ATG7: variants seen among roughly 807,000 people sequenced by gnomAD.
ATG7 encodes ubiquitin-like modifier-activating enzyme ATG7.
ATG7 carries 70 observed loss-of-function variants against 82.4 expected under a neutral mutation model. That is an observed-to-expected ratio of 0.85 (90% CI 0.70 to 1.04). The LOEUF (loss-of-function observed/expected upper bound fraction) is 1.04. Ranked by LOEUF, ATG7 falls within the 50% of genes least tolerant of loss-of-function variation. The pLI, the probability that ATG7 is intolerant of heterozygous loss-of-function variation, is 0.00. For missense variants in ATG7, 792 were observed against 864.3 expected (o/e 0.92, Z 1.05); for synonymous variants, 287 against 313.0 (o/e 0.92, Z 0.88).
At chr3:11,515,439 G>A (rs952829975) in intron 20 of ATG7, among the ~76,000 whole-genome samples, 1 of 152,212 alleles carries the variant, frequency 6.6e-6, no homozygotes, top group Non-Finnish European at 1.5e-5. Flanking sequence ...GAGTAGCTGG[G>A]ATTACAGGCC....
Position 11,358,526 on chromosome 3 carries a change from A to G in ATG7, c.1393A>G (p.Ile465Val). The change falls in exon 15 of 21, where the codon ATC (isoleucine) becomes GTC (valine). Residue 465 changes from isoleucine (I) to valine (V), a missense_variant. Ile to Val is a conservative substitution (Grantham distance 29). Transcript: ENST00000693202. ...RRDVEQLEQL[I>V]ESHDVVFLLM... ...AGATGTGGAGCAACTGGAGCAGCTC[A>G]TCGAAAGCCATGATGTCGTCTTCCT... is the stretch of plus-strand genomic sequence containing the variant. The G allele has an allele frequency of 2.5e-6, 4 of 1,614,116 alleles. No individual in the cohort carries two copies. The highest frequency in any genetic ancestry group is 3.4e-6 in the Non-Finnish European group (4 of 1,179,976).
At chr3:11,387,773 A>G (rs1299951956) in intron 19 of ATG7, among the ~76,000 whole-genome samples, 1 of 151,998 alleles carries the variant, frequency 6.6e-6, no homozygotes, top group Non-Finnish European at 1.5e-5. Flanking sequence ...GATTGAGACC[A>G]TCCTGGCTAA....
intron 20 of ATG7, among the ~76,000 whole-genome samples, chr3:11,500,929 A>C (rs2091273545): frequency 6.6e-6 from 1 of 152,124 alleles, no homozygotes; most frequent in Non-Finnish European, 1.5e-5. Context: ...GCACCGCCCA[A>C]CCTAAGTTTT....
intron 14 of ATG7, 44 bp downstream of exon 14, chr3:11,348,079 T>C: frequency 6.4e-7 from 1 of 1,564,940 alleles, no homozygotes; most frequent in Middle Eastern, 1.7e-4. Flanking sequence ...TATGTATAAA[T>C]GTTTAAGTCT....
Position 11,326,051 on chromosome 3 carries a change from TC to T in ATG7, c.679-5287del, listed in dbSNP as rs535602919. Among the ~76,000 whole-genome samples the T allele has an allele frequency of 6.1e-3, 924 of 152,296 alleles. 8 individuals carry two copies. The highest frequency in any genetic ancestry group is 8.7e-3 in the Non-Finnish European group (593 of 68,016). On this transcript the variant is annotated intron_variant, in intron 9 of 20. Coordinates refer to ENST00000693202, the MANE Select transcript of ATG7 (RefSeq NM_001349232.2). The stretch of plus-strand genomic sequence containing the variant: ...TCTATGATTCTGGAGCCTGAAGAAA[TC>T]CTTTGAGATGAAAGGTTCAACCCCT...
intron 9 of ATG7, among the ~76,000 whole-genome samples, chr3:11,317,679 G>A (rs1575410720): frequency 2.1e-5 from 3 of 141,864 alleles, no homozygotes; most frequent in Admixed American, 1.5e-4. Context: ...TGCAACCTCC[G>A]CCTCCTGGCT....
chr3:11,454,912 A>G, intron 20 of ATG7, among the ~76,000 whole-genome samples: 1 of 152,332 alleles, frequency 6.6e-6, no homozygotes, highest in East Asian at 1.9e-4. Flanking sequence ...AGAGAGGACA[A>G]ACTCAAACCC....
chr3:11,376,020 G>A (rs2077390938), intron 18 of ATG7, among the ~76,000 whole-genome samples: 1 of 152,188 alleles, frequency 6.6e-6, no homozygotes, highest in East Asian at 1.9e-4. Context: ...CAACACAATT[G>A]AATATTATTT....
chr3:11,313,522 CGTG>C (rs1948977042), intron 8 of ATG7, 102 bp downstream of exon 8: 2 of 762,128 alleles, frequency 2.6e-6, no homozygotes, highest in South Asian at 4.3e-5. Context: ...TGGATGAAGA[CGTG>C]GTAACTGAAA....
intron 11 of ATG7, among the ~76,000 whole-genome samples, chr3:11,336,962 C>T (rs907649673): frequency 6.6e-6 from 1 of 152,140 alleles, no homozygotes; most frequent in South Asian, 2.1e-4. Flanking sequence ...TGTGAGCTAC[C>T]TTGCGCAGTC....
At chr3:11,548,711 T>C (rs2071506450) in intron 20 of ATG7, among the ~76,000 whole-genome samples, 1 of 152,252 alleles carries the variant, frequency 6.6e-6, no homozygotes, top group South Asian at 2.1e-4. Context: ...GAACTCACTG[T>C]GTTTCAGGGC....
chr3:11,380,077 C>T, intron 19 of ATG7, 25 bp downstream of exon 19: 2 of 1,608,210 alleles, frequency 1.2e-6, no homozygotes, highest in South Asian at 1.1e-5. Context: ...ATTGGAGGGA[C>T]TTGTTTTTAA....
Position 11,378,870 on chromosome 3 carries a change from TG to T in ATG7, c.1876-1097del, listed in dbSNP as rs1490087494. Among the ~76,000 whole-genome samples, 21 of 149,244 alleles carry T rather than the reference TG, an allele frequency of 1.4e-4. No homozygotes were observed. In the East Asian group the frequency reaches 2.2e-3, roughly 16 times the overall value. On this transcript the variant is annotated intron_variant, in intron 18 of 20. Transcript: ENST00000693202. ...GTCAAATTGTTTGTTTTTCGGGGGG[TG>T]GGGGATTTGAGGGAGAGGGCATGGT...
At chr3:11,439,439 T>C (rs781351636) in intron 20 of ATG7, among the ~76,000 whole-genome samples, 34 of 152,178 alleles carry the variant, frequency 2.2e-4, no homozygotes, top group Non-Finnish European at 3.2e-4. Context: ...ATGTGAAATA[T>C]CCTAAGGTGT....
At chr3:11,440,267 C>G (rs547417128) in intron 20 of ATG7, among the ~76,000 whole-genome samples, 1 of 151,304 alleles carries the variant, frequency 6.6e-6, no homozygotes, top group East Asian at 2.0e-4. Context: ...CCAATCCCAA[C>G]TTACCATTGG....
intron 14 of ATG7, among the ~76,000 whole-genome samples, chr3:11,353,440 C>G (rs960599400): frequency 8.6e-5 from 13 of 151,838 alleles, no homozygotes; most frequent in African/African-American, 3.1e-4. Context: ...GAGACTCTGT[C>G]TCAAAAAAGA....
At chr3:11,318,486 G>C (rs1299005552) in intron 9 of ATG7, among the ~76,000 whole-genome samples, 1 of 152,170 alleles carries the variant, frequency 6.6e-6, no homozygotes, top group East Asian at 1.9e-4. Flanking sequence ...GAGCATGATG[G>C]CCTCATAGGA....
At chr3:11,445,344 CAT>C (rs1253484929) in intron 20 of ATG7, among the ~76,000 whole-genome samples, 1 of 152,188 alleles carries the variant, frequency 6.6e-6, no homozygotes, top group Non-Finnish European at 1.5e-5. Context: ...AAATGTAGTA[CAT>C]ATACACCATG....
At chr3:11,557,942 A>G (rs2125092066), downstream of ATG7, 1 of 153,460 alleles carries the variant, frequency 6.5e-6, no homozygotes, top group South Asian at 2.1e-4. Context: ...AAAAAAACAA[A>G]AACAGTAACA....
Sources: gnomAD v4.1 joint callset for allele counts (sites outside exome capture counted in the v4.1 genomes callset) on GRCh38, gnomAD v4.1.1 for gene constraint, MANE v1.5 for transcripts, NCBI Gene and HGNC (gene_info 2026-07-23, HGNC 2026-07-21) for gene names.